Variants in TPST2 observed in about 807,000 individuals in gnomAD.
TPST2 encodes protein-tyrosine sulfotransferase 2.
Under a neutral mutation model 27.8 loss-of-function variants are expected in TPST2, and 16 were observed. The ratio of observed to expected loss-of-function variants is 0.58; its 90% CI spans 0.39 to 0.88. TPST2 has a LOEUF of 0.88. Ranked by LOEUF, TPST2 falls within the 40% of genes least tolerant of loss-of-function variation. The probability of loss-of-function intolerance (pLI) is 0.00; values close to 1 mark genes in which losing one functional copy is unlikely to be tolerated. For missense variants in TPST2, 464 were observed against 543.1 expected, an observed-to-expected ratio of 0.85 and a Z score of 1.45; for synonymous variants, 229 against 231.7, an observed-to-expected ratio of 0.99 and a Z score of 0.10.
chr22:26,579,011 C>T (rs1927979299), intron 1 of TPST2, among the ~76,000 whole-genome samples: 1 of 151,972 alleles, frequency 6.6e-6, no homozygotes. Context: ...CCACCATGCC[C>T]GGCTGATTTT....
At chr22:26,552,729 T>G (rs974684504) in intron 1 of TPST2, among the ~76,000 whole-genome samples, 4 of 152,132 alleles carry the variant, frequency 2.6e-5, no homozygotes, top group African/African-American at 9.7e-5. Context: ...ATTTGTCCCG[T>G]GGGCATAGTT....
chr22:26,555,239 G>C (rs763326764), intron 1 of TPST2: 3 of 532,596 alleles, frequency 5.6e-6, no homozygotes, highest in Non-Finnish European at 1.2e-5. Flanking sequence ...GTAGGCTGGT[G>C]CAAAAGTAAT....
intron 1 of TPST2, chr22:26,561,131 AGAAGAT>A (rs1274268417): frequency 2.6e-4 from 424 of 1,608,610 alleles, no homozygotes; most frequent in Non-Finnish European, 3.2e-4. Context: ...AGGAAGATGA[AGAAGAT>A]GAAGATGAAG....
At chr22:26,554,781 T>C (rs1293533480) in intron 1 of TPST2, among the ~76,000 whole-genome samples, 1 of 152,124 alleles carries the variant, frequency 6.6e-6, no homozygotes, top group Non-Finnish European at 1.5e-5. Context: ...CTGCCAAAAA[T>C]ACAGAAATTA....
intron 2 of TPST2, among the ~76,000 whole-genome samples, chr22:26,544,049 G>A (rs1925995784): frequency 6.6e-6 from 1 of 152,164 alleles, no homozygotes; most frequent in African/African-American, 2.4e-5. Flanking sequence ...ATAGGTGAGG[G>A]CTTCTAACTT....
chr22:26,530,603 G>A (rs897379604), intron 5 of TPST2, among the ~76,000 whole-genome samples: 2 of 133,892 alleles, frequency 1.5e-5, no homozygotes, highest in African/African-American at 2.8e-5. Context: ...CTGCACTCCA[G>A]CCTGGGTGAC....
At chr22:26,530,394 T>C (rs78264711) in intron 5 of TPST2, among the ~76,000 whole-genome samples, 4,948 of 152,226 alleles carry the variant, frequency 0.033, 278 homozygotes, top group African/African-American at 0.11. Flanking sequence ...GTGGAGTGCA[T>C]GTACCACCGT....
At chr22:26,536,165 G>T in intron 4 of TPST2, 123 bp downstream of exon 4, 1 of 1,255,852 alleles carries the variant, frequency 8.0e-7, no homozygotes, top group African/African-American at 1.5e-5. Context: ...CCATCAGACA[G>T]GAACAAATCA....
chr22:26,572,886 C>T (rs961059738), intron 1 of TPST2, among the ~76,000 whole-genome samples: 2 of 151,952 alleles, frequency 1.3e-5, no homozygotes, highest in Admixed American at 6.6e-5. Flanking sequence ...CAATAAGTTT[C>T]CTCAGATATC....
intron 1 of TPST2, among the ~76,000 whole-genome samples, chr22:26,559,007 T>C (rs1456829410): frequency 6.6e-6 from 1 of 152,270 alleles, no homozygotes; most frequent in Non-Finnish European, 1.5e-5. Flanking sequence ...TTTTTGCATT[T>C]AGATTGTTTC....
chr22:26,537,229 C>T (rs16982302), intron 3 of TPST2, among the ~76,000 whole-genome samples: 3 of 152,102 alleles, frequency 2.0e-5, no homozygotes, highest in Admixed American at 6.5e-5. Context: ...CCTTCTCTAA[C>T]CTTTTCTTGT....
At chr22:26,531,090 G>A (rs149665213) in intron 5 of TPST2, among the ~76,000 whole-genome samples, 2 of 152,178 alleles carry the variant, frequency 1.3e-5, no homozygotes, top group Non-Finnish European at 2.9e-5. Flanking sequence ...AAGATGTCTA[G>A]CTGACCTGGG....
At chr22:26,555,837 G>T (rs1029397882) in intron 1 of TPST2, among the ~76,000 whole-genome samples, 1 of 152,222 alleles carries the variant, frequency 6.6e-6, no homozygotes, top group East Asian at 1.9e-4. Context: ...CCCTGTGGGG[G>T]AGACAGCCCC....
intron 1 of TPST2, among the ~76,000 whole-genome samples, chr22:26,586,947 A>G (rs1310261560): frequency 2.6e-5 from 4 of 152,220 alleles, no homozygotes; most frequent in Non-Finnish European, 5.9e-5. Context: ...CTGTGTGTGC[A>G]GAATGTTCAC....
chr22:26,566,854 T>C (rs2147226188), intron 1 of TPST2, among the ~76,000 whole-genome samples: 1 of 152,316 alleles, frequency 6.6e-6, no homozygotes, highest in South Asian at 2.1e-4. Flanking sequence ...CATATCGTAT[T>C]GTAATTGTCC....
intron 5 of TPST2, among the ~76,000 whole-genome samples, chr22:26,530,998 A>T (rs1401780334): frequency 6.6e-6 from 1 of 151,544 alleles, no homozygotes; most frequent in East Asian, 1.9e-4. Context: ...AACAAGAGGA[A>T]AACTCCATCT....
rs1235932132 is a variant in TPST2, at chr22:26,525,336, C to G, written c.*939G>C. Reference sequence around the variant, plus strand: ...ACCTCCGCCTCCCAGGTTCAAGCCTCCTGAGTAGCTGGGATTACAGGTGCA... The same window carrying G: ...ACCTCCGCCTCCCAGGTTCAAGCCTGCTGAGTAGCTGGGATTACAGGTGCA... On this transcript the variant is annotated 3_prime_UTR_variant, in exon 7 of 7. Coordinates refer to ENST00000338754, the MANE Select transcript of TPST2 (RefSeq NM_003595.5). The G allele has an allele frequency of 2.0e-5, 3 of 152,218 alleles. No individual in the cohort carries two copies. The highest frequency in any genetic ancestry group is 4.4e-5 in the Non-Finnish European group (3 of 68,152). The allele number at this position is 152,218 out of a possible 1,614,324, so 9.4% of individuals were successfully genotyped here.
At chr22:26,548,426 T>G in intron 1 of TPST2, among the ~76,000 whole-genome samples, 1 of 134,548 alleles carries the variant, frequency 7.4e-6, no homozygotes, top group African/African-American at 2.9e-5. Flanking sequence ...TGAAACCAGG[T>G]AGGGCATGGG....
chr22:26,581,960 C>A (rs554709243), intron 1 of TPST2, among the ~76,000 whole-genome samples: 5 of 152,290 alleles, frequency 3.3e-5, no homozygotes, highest in African/African-American at 1.2e-4. Flanking sequence ...TCCGATAAAA[C>A]TTTATTTACA....
Sources: allele counts gnomAD v4.1 joint callset (sites outside exome capture counted in the v4.1 genomes callset), GRCh38; gene constraint gnomAD v4.1.1; transcripts MANE v1.5; gene names NCBI Gene and HGNC (gene_info 2026-07-23, HGNC 2026-07-21).